The following SELP variants were observed in gnomAD, a reference collection of about 807,000 sequenced individuals.
SELP encodes selectin P.
Under a neutral mutation model 104.1 loss-of-function variants are expected in SELP, and 92 were observed. That is an observed-to-expected ratio of 0.88 (90% confidence interval 0.75 to 1.05). SELP has a LOEUF of 1.05. Ranked by LOEUF, SELP falls within the 50% of genes least tolerant of loss-of-function variation. The probability of loss-of-function intolerance (pLI) is 0.00; values close to 1 mark genes in which losing one functional copy is unlikely to be tolerated. For synonymous variants in SELP, 397 were observed against 364.5 expected (o/e 1.09, Z -1.01); for missense variants, 1,022 against 1,017.3 (o/e 1.00, Z -0.06).
At position 169,593,707 on chromosome 1, in the gene SELP, G is replaced by A; in HGVS notation, c.2305C>T (p.Gln769Ter). The A allele has an allele frequency of 6.2e-7, 1 of 1,613,450 alleles. No homozygotes were observed. Among genetic ancestry groups the A allele is most frequent in the Non-Finnish European group, 8.5e-7 (1 of 1,179,532 alleles). ...PTCQAGPLTI[Q>*]EALTYFGGAV... The stretch of plus-strand genomic sequence containing the variant: ...CCACCAAAGTAAGTCAGGGCTTCCT[G>A]GATAGTCAATGGTCCTGCTACAAAA... The change falls in exon 14 of 17, where the codon CAG (glutamine) becomes TAG (stop). Residue 769 changes from glutamine to a stop codon, truncating the protein, a stop_gained. Coordinates refer to ENST00000263686, the MANE Select transcript of SELP (RefSeq NM_003005.4). LOFTEE classifies it high-confidence loss of function.
At chr1:169,605,431 CA>C (rs1482819356) in intron 9 of SELP, among the ~76,000 whole-genome samples, 1 of 151,236 alleles carries the variant, frequency 6.6e-6, no homozygotes, top group African/African-American at 2.4e-5. Flanking sequence ...TTCATTCATT[CA>C]TTCATTCATT....
At chr1:169,627,698 A>G (rs1054672051) in intron 1 of SELP, among the ~76,000 whole-genome samples, 2 of 152,168 alleles carry the variant, frequency 1.3e-5, no homozygotes, top group African/African-American at 4.8e-5. Context: ...TGAGGATTTG[A>G]TCAATAAGCT....
chr1:169,620,881 T>C (rs111449763), intron 1 of SELP, among the ~76,000 whole-genome samples: 1,929 of 113,770 alleles, frequency 0.017, 41 homozygotes, highest in African/African-American at 0.063. Flanking sequence ...CTGTGTGGAG[T>C]TGTGTATGTA....
chr1:169,612,484 G>T, intron 5 of SELP, 82 bp from the exon 6 acceptor site: 2 of 1,357,936 alleles, frequency 1.5e-6, no homozygotes, highest in Non-Finnish European at 2.1e-6. Flanking sequence ...TTCTGCAGCA[G>T]TCACACCTTC....
intron 12 of SELP, 43 bp from the exon 13 acceptor site, chr1:169,594,920 G>A: frequency 1.3e-6 from 2 of 1,552,876 alleles, no homozygotes; most frequent in Non-Finnish European, 8.8e-7. Flanking sequence ...ATGTGGATTG[G>A]AGGTGAAAGA....
chr1:169,607,320 C>T (rs781371500), intron 8 of SELP, among the ~76,000 whole-genome samples, 186 bp from the exon 9 acceptor site: 2 of 152,088 alleles, frequency 1.3e-5, no homozygotes, highest in Admixed American at 6.5e-5. Flanking sequence ...AAATGCTAAA[C>T]CTTTGTTGAG....
intron 1 of SELP, among the ~76,000 whole-genome samples, chr1:169,627,543 A>G (rs1468167011): frequency 6.6e-6 from 1 of 152,220 alleles, no homozygotes. Flanking sequence ...GAAGTTTCTG[A>G]TTTACTTTTT....
chr1:169,623,536 T>C lies in SELP; in HGVS notation c.4-4317A>G, dbSNP rs80037391. ...TCAGCAAATTCTCTACCACACAAGA[T>C]AAAACAAAGTGAGAGAGAGCGAGAC... On this transcript the variant is annotated intron_variant, in intron 1 of 16. Transcript: ENST00000263686. Among the ~76,000 whole-genome samples the C allele has an allele frequency of 7.5e-4, 115 of 152,354 alleles. No individual in the cohort carries two copies. In the East Asian group the frequency reaches 0.011, roughly 15 times the overall value.
rs975679345 is a variant in SELP at position 169,611,500 on chromosome 1, G to T, written c.1139C>A (p.Thr380Asn). 12 of 1,613,666 alleles carry T rather than the reference G, an allele frequency of 7.4e-6. No individual in the cohort carries two copies. In the Admixed American group the frequency reaches 1.2e-4, roughly 16 times the overall value. The part of the protein sequence containing the change: ...DSGHWSAPLP[T>N]CEAISCEPLE... ...CTAATGAAAAATCCTACCCTCACAG[G>T]TTGGCAAGGGTGCAGACCAGTGTCC... is the stretch of plus-strand genomic sequence containing the variant. The change falls in exon 7 of 17, where the codon ACC (threonine) becomes AAC (asparagine). Residue 380 changes from threonine (T) to asparagine (N), a missense_variant. Coordinates refer to ENST00000263686, the MANE Select transcript of SELP (RefSeq NM_003005.4).
At chr1:169,614,760 G>A (rs1373194661) in intron 3 of SELP, among the ~76,000 whole-genome samples, 1 of 152,126 alleles carries the variant, frequency 6.6e-6, no homozygotes. Flanking sequence ...AAGTTCCTGT[G>A]GCAGCCAGTG....
intron 2 of SELP, among the ~76,000 whole-genome samples, chr1:169,618,905 G>C (rs1170384449): frequency 1.3e-5 from 2 of 152,168 alleles, no homozygotes; most frequent in East Asian, 3.9e-4. Flanking sequence ...TGTGTCTACT[G>C]TGCCTAATGG....
At chr1:169,595,895 T>C (rs1356542180) in intron 12 of SELP, 30 bp downstream of exon 12, 1 of 1,606,104 alleles carries the variant, frequency 6.2e-7, no homozygotes, top group Non-Finnish European at 8.5e-7. Context: ...GGAAGGCAGG[T>C]TCAGAACTGC....
At chr1:169,590,957 C>G (rs1162803770) in intron 15 of SELP, among the ~76,000 whole-genome samples, 1 of 152,098 alleles carries the variant, frequency 6.6e-6, no homozygotes, top group Non-Finnish European at 1.5e-5. Context: ...TTTTTTGCAT[C>G]TTTAAAATGC....
intron 3 of SELP, 96 bp downstream of exon 3, chr1:169,616,932 G>A: frequency 7.5e-7 from 1 of 1,329,954 alleles, no homozygotes; most frequent in Non-Finnish European, 1.0e-6. Context: ...TCCTGCCTTT[G>A]TATCTTTGTG....
At position 169,593,704 on chromosome 1, in the gene SELP, C is replaced by T. The variant is rs772211277; in HGVS notation, c.2308G>A (p.Glu770Lys). 11 of 1,613,524 alleles carry T rather than the reference C, an allele frequency of 6.8e-6. No homozygotes were observed. The highest frequency in any genetic ancestry group is 9.3e-6 in the Non-Finnish European group (11 of 1,179,566). The change falls in exon 14 of 17, where the codon GAA becomes AAA. Residue 770 changes from glutamate (E) to lysine (K), a missense_variant. Glu to Lys is a moderately conservative substitution (Grantham distance 56). Coordinates refer to ENST00000263686, the MANE Select transcript of SELP (RefSeq NM_003005.4). ...GCTCCACCAAAGTAAGTCAGGGCTT[C>T]CTGGATAGTCAATGGTCCTGCTACA... ...TCQAGPLTIQ[E>K]ALTYFGGAVA...
Position 169,626,015 on chromosome 1 carries a change from T to A in SELP, c.3+4057A>T, listed in dbSNP as rs3917669. On this transcript the variant is annotated intron_variant, in intron 1 of 16. Transcript: ENST00000263686. Reference sequence around the variant, plus strand: ...GGTCAGGAACGTCAGGGAAGACCTCTTTAATGAGATAATGTTTAAGTGGAG... The same window carrying A: ...GGTCAGGAACGTCAGGGAAGACCTCATTAATGAGATAATGTTTAAGTGGAG... Among the ~76,000 whole-genome samples the A allele has an allele frequency of 2.4e-3, 372 of 152,324 alleles. 2 individuals are homozygous for A. The highest frequency in any genetic ancestry group is 8.6e-3 in the African/African-American group (358 of 41,570).
chr1:169,591,554 G>C lies in SELP; in HGVS notation c.2408-98C>G. ...TAGAAATTACTGGGGAAAACCAGTA[G>C]ACTGATTTTCAGGAGGGCTCATTAT... On this transcript the variant is annotated intron_variant, in intron 14 of 16. Coordinates refer to ENST00000263686, the MANE Select transcript of SELP (RefSeq NM_003005.4). The C allele has an allele frequency of 8.8e-6, 7 of 792,632 alleles. 2 individuals carry two copies. In the South Asian group the frequency reaches 1.3e-4, roughly 15 times the overall value. 49.1% of individuals were successfully genotyped at this position (792,632 alleles called of 1,614,324 possible).
At position 169,611,580 on chromosome 1, in the gene SELP, C is replaced by G. The variant is rs1315695444; in HGVS notation, c.1059G>C (p.Glu353Asp). The G allele has an allele frequency of 6.8e-6, 11 of 1,613,992 alleles. No homozygotes were observed. Among genetic ancestry groups the G allele is most frequent in the Non-Finnish European group, 2.5e-6 (3 of 1,180,008 alleles). Residue 353 changes from glutamate to aspartate, a missense_variant, in exon 7 of 17, where the codon GAG becomes GAC. Glu to Asp is a conservative substitution (Grantham distance 45). Transcript: ENST00000263686. The stretch of plus-strand genomic sequence containing the variant: ...CCCTCACTCTGTAGCCGGGCTGGCA[C>G]TCAAATTTACAGCTGGAGCCATAGG... ...AFAYGSSCKFECQPGYRVRGL... is the reference protein window; with the variant it reads ...AFAYGSSCKFDCQPGYRVRGL...
intron 12 of SELP, 83 bp from the exon 13 acceptor site, chr1:169,594,960 G>T: frequency 8.0e-7 from 1 of 1,246,234 alleles, no homozygotes; most frequent in South Asian, 1.5e-5. Flanking sequence ...ACCTAACATT[G>T]CCAATAAATG....
Sources: allele counts gnomAD v4.1 joint callset (sites outside exome capture counted in the v4.1 genomes callset), GRCh38; gene constraint gnomAD v4.1.1; transcripts MANE v1.5; gene names NCBI Gene and HGNC (gene_info 2026-07-23, HGNC 2026-07-21).